MDFIC: variants seen among roughly 807,000 people sequenced by gnomAD.
MDFIC encodes the protein MyoD family inhibitor domain containing, also known as myoD family inhibitor domain-containing protein.
MDFIC carries 17 observed loss-of-function variants against 23.2 expected under a neutral mutation model. That is an observed-to-expected ratio of 0.73 (90% confidence interval 0.50 to 1.10). The LOEUF (loss-of-function observed/expected upper bound fraction) is 1.10, where lower values mean the gene tolerates loss of function less well. Ranked by LOEUF, MDFIC falls within the 50% of genes least tolerant of loss-of-function variation. The pLI, the probability that MDFIC is intolerant of heterozygous loss-of-function variation, is 0.00. For synonymous variants in MDFIC, 120 were observed against 115.2 expected, an observed-to-expected ratio of 1.04 and a Z score of -0.27; for missense variants, 356 against 316.6, an observed-to-expected ratio of 1.12 and a Z score of -0.95.
intron 2 of MDFIC, chr7:114,923,391 C>A: frequency 6.9e-7 from 1 of 1,447,654 alleles, no homozygotes; most frequent in Non-Finnish European, 9.4e-7. Context: ...AGGATTGCTT[C>A]TTTCTTAAGC....
At chr7:114,972,760 A>G (rs1162695116) in intron 3 of MDFIC, among the ~76,000 whole-genome samples, 2 of 151,884 alleles carry the variant, frequency 1.3e-5, no homozygotes, top group African/African-American at 2.4e-5. Flanking sequence ...TCCCGTGTAC[A>G]GGCATGTGCC....
chr7:114,933,253 CTTTTT>C (rs34608476), intron 2 of MDFIC, among the ~76,000 whole-genome samples: 1 of 135,936 alleles, frequency 7.4e-6, no homozygotes, highest in African/African-American at 2.7e-5. Context: ...GTGTTCCATT[CTTTTT>C]TTTTTTTTTT....
At chr7:114,934,525 C>T (rs1182586339) in intron 2 of MDFIC, among the ~76,000 whole-genome samples, 1 of 152,076 alleles carries the variant, frequency 6.6e-6, no homozygotes, top group Non-Finnish European at 1.5e-5. Flanking sequence ...TTCACCTATC[C>T]CAAACCTATA....
At chr7:114,951,184 T>TA (rs1320915682) in intron 3 of MDFIC, among the ~76,000 whole-genome samples, 1 of 152,008 alleles carries the variant, frequency 6.6e-6, no homozygotes, top group South Asian at 2.1e-4. Context: ...AGACCCTGTC[T>TA]AAAAAAGAAA....
At chr7:115,014,804 G>A (rs1241777034) in intron 4 of MDFIC, among the ~76,000 whole-genome samples, 3 of 152,026 alleles carry the variant, frequency 2.0e-5, no homozygotes, top group Non-Finnish European at 4.4e-5. Context: ...GAATTATAAA[G>A]GAATGGACAT....
chr7:114,922,613 GA>G lies in MDFIC; in HGVS notation c.-130del. The G allele has an allele frequency of 7.8e-7, 1 of 1,282,204 alleles. No homozygotes were observed. Among genetic ancestry groups the G allele is most frequent in the Non-Finnish European group, 9.9e-7 (1 of 1,007,892 alleles). The allele number at this position is 1,282,204 out of a possible 1,614,324, so 79.4% of individuals were successfully genotyped here. The stretch of plus-strand genomic sequence containing the variant: ...AGGAGGAGGAGGAGGAAGGGGCTTG[GA>G]GCGACTACGGGGGGATGCGGAGGTA... On this transcript the variant is annotated 5_prime_UTR_variant, in exon 1 of 5. Coordinates refer to ENST00000393486, the MANE Select transcript of MDFIC (RefSeq NM_001166345.3).
At chr7:114,922,696 C>T (rs1156969520) in intron 1 of MDFIC, 60 bp downstream of exon 1, 3 of 1,365,170 alleles carry the variant, frequency 2.2e-6, no homozygotes, top group Non-Finnish European at 2.8e-6. Context: ...CCGGGGTTCT[C>T]CCAAACCCGA....
At chr7:115,001,822 T>A (rs970730236) in intron 4 of MDFIC, among the ~76,000 whole-genome samples, 1 of 152,188 alleles carries the variant, frequency 6.6e-6, no homozygotes, top group African/African-American at 2.4e-5. Flanking sequence ...AATATATATG[T>A]ATGTGTATAA....
intron 2 of MDFIC, among the ~76,000 whole-genome samples, chr7:114,940,210 TA>T (rs1792511720): frequency 6.6e-6 from 1 of 152,268 alleles, no homozygotes; most frequent in Non-Finnish European, 1.5e-5. Flanking sequence ...GTTTTGTTTA[TA>T]AAAATCCTTG....
intron 2 of MDFIC, chr7:114,923,730 G>C: frequency 8.5e-7 from 1 of 1,176,042 alleles, no homozygotes; most frequent in Non-Finnish European, 1.1e-6. Context: ...AAATACTCTT[G>C]TGTCTGGGAA....
chr7:114,952,710 G>GA (rs149236506), intron 3 of MDFIC, among the ~76,000 whole-genome samples: 4,154 of 151,990 alleles, frequency 0.027, 163 homozygotes, highest in African/African-American at 0.089. Context: ...AAAATTTAAG[G>GA]AAAAAAAGAT....
At chr7:114,937,066 T>C (rs1387982539) in intron 2 of MDFIC, among the ~76,000 whole-genome samples, 1 of 152,094 alleles carries the variant, frequency 6.6e-6, no homozygotes, top group African/African-American at 2.4e-5. Flanking sequence ...TCCCCAACTG[T>C]TGGAGACAAG....
chr7:114,943,115 T>C (rs997492063), intron 3 of MDFIC, among the ~76,000 whole-genome samples: 3 of 152,214 alleles, frequency 2.0e-5, no homozygotes, highest in African/African-American at 7.2e-5. Flanking sequence ...GAGTAAATCT[T>C]TTGATATTCC....
At chr7:114,976,347 A>T (rs2115942742) in intron 3 of MDFIC, among the ~76,000 whole-genome samples, 1 of 152,232 alleles carries the variant, frequency 6.6e-6, no homozygotes, top group East Asian at 1.9e-4. Flanking sequence ...CAGAGGAAAA[A>T]CCAAATTAGG....
intron 4 of MDFIC, among the ~76,000 whole-genome samples, chr7:114,993,131 A>T (rs1791223811): frequency 6.6e-6 from 1 of 152,084 alleles, no homozygotes; most frequent in African/African-American, 2.4e-5. Flanking sequence ...TTTCTAGTTT[A>T]TTTGTGTAGA....
At chr7:115,005,944 G>A (rs1477995479) in intron 4 of MDFIC, among the ~76,000 whole-genome samples, 1 of 152,144 alleles carries the variant, frequency 6.6e-6, no homozygotes, top group Non-Finnish European at 1.5e-5. Context: ...GCTTTGAAAC[G>A]TGCTTTGGTG....
chr7:114,957,729 C>A (rs1029181756), intron 3 of MDFIC, among the ~76,000 whole-genome samples: 1 of 152,060 alleles, frequency 6.6e-6, no homozygotes, highest in Admixed American at 6.6e-5. Flanking sequence ...TAGCATAAGA[C>A]TAAGAAGATT....
At chr7:114,989,116 A>G (rs957337566) in intron 4 of MDFIC, among the ~76,000 whole-genome samples, 1 of 152,150 alleles carries the variant, frequency 6.6e-6, no homozygotes, top group Non-Finnish European at 1.5e-5. Context: ...AGAAAAGAGG[A>G]CGATTATCTG....
At chr7:114,929,298 G>A (rs539948632) in intron 2 of MDFIC, among the ~76,000 whole-genome samples, 2 of 152,088 alleles carry the variant, frequency 1.3e-5, no homozygotes, top group Admixed American at 6.6e-5. Flanking sequence ...TAGTAGAGAC[G>A]GGTTTCACCA....
Sources: allele counts gnomAD v4.1 joint callset (sites outside exome capture counted in the v4.1 genomes callset), GRCh38; gene constraint gnomAD v4.1.1; transcripts MANE v1.5; gene names NCBI Gene and HGNC (gene_info 2026-07-23, HGNC 2026-07-21).